PRSS38: variants seen among roughly 807,000 people sequenced by gnomAD.
PRSS38 encodes serine protease 38.
Under a neutral mutation model 26.8 loss-of-function variants are expected in PRSS38, and 22 were observed. The observed-to-expected ratio is 0.82, with a 90% CI of 0.59 to 1.17. PRSS38 has a LOEUF of 1.17. Among genes scored for constraint, PRSS38 ranks in the 50% most tolerant of loss-of-function variants. PRSS38 has a pLI of 0.00. For missense variants in PRSS38, 427 were observed against 422.7 expected, an observed-to-expected ratio of 1.01 and a Z score of -0.09; for synonymous variants, 175 against 172.1, an observed-to-expected ratio of 1.02 and a Z score of -0.13.
At chr1:227,845,874 C>T (rs1259846996) in intron 4 of PRSS38, 80 bp from the exon 5 acceptor site, 1 of 1,563,674 alleles carries the variant, frequency 6.4e-7, no homozygotes, top group Non-Finnish European at 8.7e-7. Context: ...ACAGCCACCC[C>T]CTTGCACCCT....
At chr1:227,820,532 T>C (rs995019727) in intron 3 of PRSS38, among the ~76,000 whole-genome samples, 2 of 152,066 alleles carry the variant, frequency 1.3e-5, no homozygotes, top group South Asian at 4.1e-4. Context: ...TTAATGTATA[T>C]TACATTGATT....
chr1:227,821,307 C>T (rs1665000834), intron 3 of PRSS38, among the ~76,000 whole-genome samples: 1 of 151,974 alleles, frequency 6.6e-6, no homozygotes, highest in South Asian at 2.1e-4. Flanking sequence ...AGGTTGATTC[C>T]ATGTCTTTGC....
At chr1:227,818,304 A>G (rs1664951661) in intron 3 of PRSS38, among the ~76,000 whole-genome samples, 1 of 152,194 alleles carries the variant, frequency 6.6e-6, no homozygotes, top group Non-Finnish European at 1.5e-5. Context: ...ATTATAGAAA[A>G]TTATTGATTT....
intron 3 of PRSS38, among the ~76,000 whole-genome samples, chr1:227,831,789 T>C (rs928671736): frequency 6.6e-6 from 1 of 152,130 alleles, no homozygotes; most frequent in East Asian, 1.9e-4. Flanking sequence ...GTGGCAGAGG[T>C]TGCAGTGAGC....
At chr1:227,839,603 G>A (rs1665287318) in intron 3 of PRSS38, among the ~76,000 whole-genome samples, 1 of 152,198 alleles carries the variant, frequency 6.6e-6, no homozygotes, top group South Asian at 2.1e-4. Context: ...ACTTTCTTGA[G>A]GGCTTGGTGG....
At chr1:227,831,258 A>G (rs185999315) in intron 3 of PRSS38, among the ~76,000 whole-genome samples, 100 of 152,302 alleles carry the variant, frequency 6.6e-4, no homozygotes, top group African/African-American at 2.4e-3. Flanking sequence ...GATATTATCT[A>G]ATTTCCCTCA....
chr1:227,841,342 T>C (rs1665334561), intron 3 of PRSS38, among the ~76,000 whole-genome samples: 1 of 152,234 alleles, frequency 6.6e-6, no homozygotes, highest in African/African-American at 2.4e-5. Context: ...TAAATCCCGT[T>C]GACCAAACCA....
chr1:227,829,489 TCCCACTAG>T (rs1212502350), intron 3 of PRSS38, among the ~76,000 whole-genome samples: 4 of 152,234 alleles, frequency 2.6e-5, no homozygotes, highest in African/African-American at 9.6e-5. Context: ...CCAAAGAAAT[TCCCACTAG>T]CTCTTGCTCA....
chr1:227,832,291 C>G (rs574147886), intron 3 of PRSS38, among the ~76,000 whole-genome samples: 1 of 152,052 alleles, frequency 6.6e-6, no homozygotes, highest in Non-Finnish European at 1.5e-5. Flanking sequence ...TCCATCTTCA[C>G]GTTTAATGTA....
intron 3 of PRSS38, among the ~76,000 whole-genome samples, chr1:227,838,108 G>T (rs960489793): frequency 6.6e-6 from 1 of 152,010 alleles, no homozygotes; most frequent in Non-Finnish European, 1.5e-5. Flanking sequence ...TTTGGATTTT[G>T]ATGAAGTCCA....
chr1:227,817,244 G>A (rs760625308), exon 3 of PRSS38: 1 of 1,614,160 alleles, frequency 6.2e-7, no homozygotes, highest in South Asian at 1.1e-5. Flanking sequence ...ATGTACGTAG[G>A]CCTCGTAAAC....
intron 3 of PRSS38, among the ~76,000 whole-genome samples, chr1:227,840,266 C>T (rs779646581): frequency 6.6e-6 from 1 of 152,068 alleles, no homozygotes; most frequent in South Asian, 2.1e-4. Context: ...GGACTATAGG[C>T]GTGTGCCACC....
At chr1:227,841,860 T>G (rs1361185849) in intron 3 of PRSS38, among the ~76,000 whole-genome samples, 6 of 152,210 alleles carry the variant, frequency 3.9e-5, no homozygotes, top group Non-Finnish European at 8.8e-5. Flanking sequence ...TACCTGAGGC[T>G]GGGTAGTTTC....
intron 3 of PRSS38, among the ~76,000 whole-genome samples, chr1:227,842,873 G>A (rs539633333): frequency 3.9e-5 from 6 of 152,058 alleles, no homozygotes; most frequent in South Asian, 4.2e-4. Flanking sequence ...CACCATGCCC[G>A]GCCTCTGAGG....
At chr1:227,825,137 C>T (rs576411569) in intron 3 of PRSS38, among the ~76,000 whole-genome samples, 1 of 152,250 alleles carries the variant, frequency 6.6e-6, no homozygotes, top group African/African-American at 2.4e-5. Context: ...GTCATGAAAC[C>T]TTTGCCTGTG....
exon 5 of PRSS38, chr1:227,846,109 C>T: frequency 6.2e-7 from 1 of 1,614,130 alleles, no homozygotes; most frequent in Non-Finnish European, 8.5e-7. Flanking sequence ...ACATAGAAAT[C>T]ACGCCCACTC....
intron 3 of PRSS38, 111 bp from the exon 4 acceptor site, chr1:227,845,359 T>C: frequency 8.4e-6 from 6 of 710,480 alleles, no homozygotes; most frequent in Non-Finnish European, 1.2e-5. Context: ...TTCCTACGTA[T>C]AGTGGGGCTC....
chr1:227,843,939 G>C (rs1665376589), intron 3 of PRSS38, among the ~76,000 whole-genome samples: 1 of 151,562 alleles, frequency 6.6e-6, no homozygotes, highest in Non-Finnish European at 1.5e-5. Flanking sequence ...AGTGAGCCAA[G>C]ATTGTACCAA....
At position 227,816,441 on chromosome 1, in the gene PRSS38, T is replaced by C. The variant is rs1001746268; in HGVS notation, c.311+189T>C. On this transcript the variant is annotated intron_variant, in intron 2 of 4. Transcript: ENST00000366757. This position sits in a 1 kb window ranked among gnomAD's most constrained non-coding sequence, Gnocchi z 5.1. Reference sequence around the variant, plus strand: ...CAAACACACAGCTGGGTCCCCATTCTTGAGGCTGGTCCCCCAAGTGCACAG... The same window carrying C: ...CAAACACACAGCTGGGTCCCCATTCCTGAGGCTGGTCCCCCAAGTGCACAG... Among the ~76,000 whole-genome samples, 1 of 151,716 alleles carries C rather than the reference T, an allele frequency of 6.6e-6. No homozygotes were observed. Among genetic ancestry groups the C allele is most frequent in the African/African-American group, 2.4e-5 (1 of 41,268 alleles).
Sources: allele counts gnomAD v4.1 joint callset (sites outside exome capture counted in the v4.1 genomes callset), GRCh38; gene constraint gnomAD v4.1.1; non-coding constraint Gnocchi (gnomAD v3.1); transcripts MANE v1.5; gene names NCBI Gene and HGNC (gene_info 2026-07-23, HGNC 2026-07-21).